SRGAP3: variants seen among roughly 807,000 people sequenced by gnomAD.
The protein encoded by SRGAP3 is SLIT-ROBO Rho GTPase-activating protein 3.
SRGAP3 carries 39 observed loss-of-function variants against 121.1 expected under a neutral mutation model. The observed-to-expected ratio is 0.32, with a 90% confidence interval of 0.25 to 0.42. The LOEUF (loss-of-function observed/expected upper bound fraction) is 0.42, where lower values mean the gene tolerates loss of function less well. Ranked by LOEUF, SRGAP3 falls within the 10% of genes least tolerant of loss-of-function variation. The probability of loss-of-function intolerance (pLI) is 1.00; values close to 1 mark genes in which losing one functional copy is unlikely to be tolerated. For synonymous variants in SRGAP3, 601 were observed against 570.0 expected (o/e 1.05, Z -0.77); for missense variants, 1,213 against 1,470.6 (o/e 0.82, Z 2.86).
intron 1 of SRGAP3, chr3:9,193,296 G>T (rs900135214): frequency 1.3e-5 from 2 of 152,318 alleles, no homozygotes; most frequent in Admixed American, 6.5e-5. Context: ...CCATCCGATT[G>T]CTCTTTTTTC....
chr3:9,234,903 C>T (rs911934776), intron 1 of SRGAP3, among the ~76,000 whole-genome samples: 6 of 152,172 alleles, frequency 3.9e-5, no homozygotes, highest in Non-Finnish European at 8.8e-5. Context: ...TTAGCACTTG[C>T]TGCCAAAGAC....
chr3:9,059,986 C>A, intron 6 of SRGAP3: 1 of 538,168 alleles, frequency 1.9e-6, no homozygotes. Flanking sequence ...GGATATACAA[C>A]TGCCCAAGCC....
chr3:8,997,616 T>G (rs1188099383), intron 18 of SRGAP3, among the ~76,000 whole-genome samples: 1 of 152,212 alleles, frequency 6.6e-6, no homozygotes, highest in African/African-American at 2.4e-5. Flanking sequence ...TAGCTCAATC[T>G]GCTCTTGCCT....
intron 1 of SRGAP3, among the ~76,000 whole-genome samples, chr3:9,357,803 T>C (rs1227801645): frequency 1.3e-5 from 2 of 152,072 alleles, no homozygotes; most frequent in Non-Finnish European, 2.9e-5. Flanking sequence ...AAATGATGAG[T>C]TACCCATATG....
chr3:9,163,986 C>CT (rs767652463), intron 1 of SRGAP3, among the ~76,000 whole-genome samples: 1,661 of 83,316 alleles, frequency 0.02, 287 homozygotes, highest in African/African-American at 0.046. Context: ...AACTACTATT[C>CT]TTTTTTTTTT....
intron 4 of SRGAP3, among the ~76,000 whole-genome samples, chr3:9,076,021 C>T (rs1946960119): frequency 6.6e-6 from 1 of 152,216 alleles, no homozygotes; most frequent in South Asian, 2.1e-4. Flanking sequence ...GGACTCTGGG[C>T]TTGGCTGTGT....
At chr3:9,182,461 C>A (rs1265399336) in intron 1 of SRGAP3, among the ~76,000 whole-genome samples, 1 of 151,800 alleles carries the variant, frequency 6.6e-6, no homozygotes, top group Non-Finnish European at 1.5e-5. Context: ...CAGAAAAGAC[C>A]AGGAAGGATT....
intron 3 of SRGAP3, among the ~76,000 whole-genome samples, chr3:9,277,607 CAAAAAA>C (rs35955575): frequency 2.7e-3 from 163 of 59,808 alleles, no homozygotes; most frequent in East Asian, 7.9e-3. Flanking sequence ...GAAGCCATCT[CAAAAAA>C]AAAAAAAAAA....
chr3:9,002,319 A>G (rs1559882955), intron 18 of SRGAP3, among the ~76,000 whole-genome samples: 1 of 152,238 alleles, frequency 6.6e-6, no homozygotes, highest in Admixed American at 6.5e-5. Flanking sequence ...AAATAGGCAA[A>G]AATTATACAG....
intron 3 of SRGAP3, among the ~76,000 whole-genome samples, chr3:9,280,325 G>T (rs979836858): frequency 1.1e-4 from 16 of 152,352 alleles, no homozygotes; most frequent in African/African-American, 3.6e-4. Context: ...CACTCAAGGT[G>T]CTGAGTGGCC....
intron 3 of SRGAP3, among the ~76,000 whole-genome samples, chr3:9,085,083 T>C (rs1429968953): frequency 6.6e-6 from 1 of 152,242 alleles, no homozygotes; most frequent in African/African-American, 2.4e-5. Context: ...TGTTCATTCA[T>C]TTATCATTTG....
chr3:9,006,736 T>C (rs1943101699), intron 18 of SRGAP3, among the ~76,000 whole-genome samples: 1 of 152,096 alleles, frequency 6.6e-6, no homozygotes, highest in African/African-American at 2.4e-5. Flanking sequence ...TGTCACTGAT[T>C]TTAGTGGTTT....
At chr3:9,351,278 C>T (rs1481729937) in intron 1 of SRGAP3, among the ~76,000 whole-genome samples, 1 of 152,162 alleles carries the variant, frequency 6.6e-6, no homozygotes, top group Non-Finnish European at 1.5e-5. Context: ...AGGCAATCTA[C>T]TTCATTTGCC....
At chr3:9,340,021 G>A (rs1257973311) in intron 1 of SRGAP3, among the ~76,000 whole-genome samples, 1 of 152,132 alleles carries the variant, frequency 6.6e-6, no homozygotes, top group Non-Finnish European at 1.5e-5. Flanking sequence ...GGCTAGACAG[G>A]AGGAAACAAT....
chr3:9,011,690 C>T (rs1217819872), intron 17 of SRGAP3, among the ~76,000 whole-genome samples: 1 of 152,178 alleles, frequency 6.6e-6, no homozygotes, highest in Non-Finnish European at 1.5e-5. Flanking sequence ...CAGGGGTCAA[C>T]CTTGTTTGGT....
At chr3:9,238,830 G>A (rs917044557) in intron 1 of SRGAP3, among the ~76,000 whole-genome samples, 1 of 152,172 alleles carries the variant, frequency 6.6e-6, no homozygotes. Flanking sequence ...CGCCTCTGGT[G>A]CCAGCAAATT....
intron 2 of SRGAP3, among the ~76,000 whole-genome samples, chr3:9,328,284 CACAG>C (rs201011112): frequency 0.02 from 3,027 of 152,248 alleles, 102 homozygotes; most frequent in African/African-American, 0.068. Context: ...TATATAATTA[CACAG>C]ACAGACAGAA....
intron 1 of SRGAP3, among the ~76,000 whole-genome samples, chr3:9,360,710 A>G (rs1343253321): frequency 1.3e-5 from 2 of 152,220 alleles, no homozygotes; most frequent in Admixed American, 1.3e-4. Flanking sequence ...TCAAACCATC[A>G]GATCTTGTGA....
intron 14 of SRGAP3, among the ~76,000 whole-genome samples, chr3:9,021,078 T>A (rs921352326): frequency 1.3e-5 from 2 of 152,172 alleles, no homozygotes; most frequent in East Asian, 3.9e-4. Flanking sequence ...TGGCCACAGG[T>A]CCTCGAGCCC....
Sources: gnomAD v4.1 joint callset for allele counts (sites outside exome capture counted in the v4.1 genomes callset) on GRCh38, gnomAD v4.1.1 for gene constraint, MANE v1.5 for transcripts, NCBI Gene and HGNC (gene_info 2026-07-23, HGNC 2026-07-21) for gene names.